Variants in BEND6 observed in about 807,000 individuals in gnomAD.
BEND6 encodes BEN domain containing 6.
A neutral mutation model predicts 31.8 loss-of-function variants in BEND6; 24 were observed. That is an observed-to-expected ratio of 0.75 (90% confidence interval 0.55 to 1.06). BEND6 has a LOEUF of 1.06. Ranked by LOEUF, BEND6 falls within the 50% of genes least tolerant of loss-of-function variation. The pLI is 0.00. For missense variants in BEND6, 294 were observed against 327.4 expected, an observed-to-expected ratio of 0.90 and a Z score of 0.79; for synonymous variants, 109 against 114.6, an observed-to-expected ratio of 0.95 and a Z score of 0.31.
chr6:56,985,270 A>G (rs544529351), intron 2 of BEND6, among the ~76,000 whole-genome samples: 1 of 152,302 alleles, frequency 6.6e-6, no homozygotes, highest in Admixed American at 6.5e-5. Context: ...GTTATGATAT[A>G]AGTTGCAAAG....
intron 3 of BEND6, among the ~76,000 whole-genome samples, chr6:56,993,136 G>GAAAAA (rs1826571957): frequency 6.6e-6 from 1 of 152,148 alleles, no homozygotes; most frequent in Non-Finnish European, 1.5e-5. Context: ...ATGAAAAAAG[G>GAAAAA]AGAAAGACAG....
chr6:56,996,675 G>T (rs549881336), intron 3 of BEND6, among the ~76,000 whole-genome samples: 2 of 152,206 alleles, frequency 1.3e-5, no homozygotes, highest in South Asian at 4.1e-4. Flanking sequence ...CCTTAAACCA[G>T]AAACTATGAT....
chr6:56,957,259 C>A (rs1825120293), intron 1 of BEND6, among the ~76,000 whole-genome samples: 1 of 152,218 alleles, frequency 6.6e-6, no homozygotes. Flanking sequence ...AAATGCTTAA[C>A]TGCCATGCAA....
At chr6:56,975,979 C>T in intron 1 of BEND6, 1 of 517,284 alleles carries the variant, frequency 1.9e-6, no homozygotes, top group South Asian at 1.5e-5. Flanking sequence ...ACGCCATGTG[C>T]AGTCATGGTG....
chr6:56,975,035 T>G (rs1487631763), intron 1 of BEND6, among the ~76,000 whole-genome samples: 6 of 152,116 alleles, frequency 3.9e-5, no homozygotes, highest in Non-Finnish European at 7.4e-5. Flanking sequence ...GGAGAATCAC[T>G]TGAACCTGGG....
intron 1 of BEND6, among the ~76,000 whole-genome samples, chr6:56,968,573 C>T (rs746143410): frequency 6.6e-6 from 1 of 151,946 alleles, no homozygotes; most frequent in African/African-American, 2.4e-5. Flanking sequence ...ATCCTCCCAC[C>T]TCAGCCTCCC....
At chr6:57,024,205 T>G (rs1827836134) in intron 6 of BEND6, among the ~76,000 whole-genome samples, 1 of 152,214 alleles carries the variant, frequency 6.6e-6, no homozygotes, top group Non-Finnish European at 1.5e-5. Context: ...TTTGATACAT[T>G]TGTCTTTTGA....
At chr6:56,958,390 GAA>G (rs1825169417) in intron 1 of BEND6, among the ~76,000 whole-genome samples, 1 of 152,180 alleles carries the variant, frequency 6.6e-6, no homozygotes. Flanking sequence ...TCAGAAAGAA[GAA>G]AAGTTTCCAC....
chr6:56,973,643 T>G (rs1404346141), intron 1 of BEND6, among the ~76,000 whole-genome samples: 1 of 152,202 alleles, frequency 6.6e-6, no homozygotes, highest in Non-Finnish European at 1.5e-5. Flanking sequence ...AGAAGGCTAC[T>G]CTAGTGTATA....
At chr6:57,000,521 G>A (rs891471317) in intron 3 of BEND6, among the ~76,000 whole-genome samples, 3 of 150,172 alleles carry the variant, frequency 2.0e-5, no homozygotes, top group Non-Finnish European at 2.9e-5. Flanking sequence ...ATTATCCTAT[G>A]ACCCTGCCAC....
chr6:57,018,274 G>A, intron 5 of BEND6, 147 bp from the exon 6 acceptor site: 1 of 762,890 alleles, frequency 1.3e-6, no homozygotes, highest in Non-Finnish European at 1.9e-6. Flanking sequence ...ATATTCATCT[G>A]TTTAAATAGC....
chr6:56,999,948 C>T (rs1036429255), intron 3 of BEND6, among the ~76,000 whole-genome samples: 7 of 151,228 alleles, frequency 4.6e-5, no homozygotes, highest in Non-Finnish European at 5.9e-5. Flanking sequence ...CTGGCTGCCC[C>T]GTCTGGGAGG....
chr6:56,989,861 A>C (rs1562545835), intron 2 of BEND6, among the ~76,000 whole-genome samples: 1 of 152,038 alleles, frequency 6.6e-6, no homozygotes, highest in Non-Finnish European at 1.5e-5. Flanking sequence ...GTGTTTTTTC[A>C]CTTTCTTTAA....
intron 1 of BEND6, among the ~76,000 whole-genome samples, chr6:56,968,303 CTTTCTTTTCTTT>C: frequency 8.5e-6 from 1 of 117,322 alleles, no homozygotes; most frequent in Non-Finnish European, 1.8e-5. Flanking sequence ...TTCTTTCTTT[CTTTCTTTTCTTT>C]TTTTTTTTTT....
chr6:56,962,845 C>A lies in BEND6; in HGVS notation c.-101+7385C>A, dbSNP rs1825337122. On this transcript the variant is annotated intron_variant, in intron 1 of 6. Coordinates refer to ENST00000370746, the MANE Select transcript of BEND6 (RefSeq NM_152731.3). ...CACTTCCCCAGAAGGCATGGAATAA[C>A]ATGCACTGGTCATCCTCATTACTGA... 2.6e-5 allele frequency among the ~76,000 whole-genome samples: 4 copies of A among 152,318 alleles called. No individual in the cohort carries two copies. In the South Asian group the frequency reaches 8.3e-4, roughly 32 times the overall value.
At chr6:56,998,098 T>A (rs998016539) in intron 3 of BEND6, among the ~76,000 whole-genome samples, 3 of 151,900 alleles carry the variant, frequency 2.0e-5, no homozygotes, top group African/African-American at 7.3e-5. Flanking sequence ...AAAGATTACG[T>A]TTTGAGGGAG....
chr6:56,965,222 A>T (rs149022766), intron 1 of BEND6, among the ~76,000 whole-genome samples: 1 of 152,304 alleles, frequency 6.6e-6, no homozygotes, highest in East Asian at 1.9e-4. Flanking sequence ...TCAAGGTGGT[A>T]AGAAAAAATA....
Position 56,981,867 on chromosome 6 carries a change from A to G in BEND6, c.57A>G (p.Gly19=), listed in dbSNP as rs1317458745. The G allele has an allele frequency of 1.2e-6, 2 of 1,613,160 alleles. No homozygotes were observed. The highest frequency in any genetic ancestry group is 4.5e-5 in the East Asian group (2 of 44,770). Reference sequence around the variant, plus strand: ...CCAATACACAAGCTTTTAGAAAAGGAAAGAGGAAAAGAACAGAGACAATGG... The same window carrying G: ...CCAATACACAAGCTTTTAGAAAAGGGAAGAGGAAAAGAACAGAGACAATGG... ...EITNTQAFRK[G]KRKRTETMDS... Residue 19 remains glycine (G), a synonymous_variant, in exon 2 of 7, where the codon GGA becomes GGG. Coordinates refer to ENST00000370746, the MANE Select transcript of BEND6 (RefSeq NM_152731.3).
chr6:57,019,416 C>T (rs549652780), intron 6 of BEND6, among the ~76,000 whole-genome samples: 3 of 152,312 alleles, frequency 2.0e-5, no homozygotes, highest in Admixed American at 2.0e-4. Flanking sequence ...AGGCCCACCA[C>T]AGATATTCCT....
Sources: gnomAD v4.1 joint callset for allele counts (sites outside exome capture counted in the v4.1 genomes callset) on GRCh38, gnomAD v4.1.1 for gene constraint, MANE v1.5 for transcripts, NCBI Gene and HGNC (gene_info 2026-07-23, HGNC 2026-07-21) for gene names.